ANO1: variants seen among roughly 807,000 people sequenced by gnomAD.
ANO1 encodes anoctamin-1.
Under a neutral mutation model 124.0 loss-of-function variants are expected in ANO1, and 59 were observed. The ratio of observed to expected loss-of-function variants is 0.48; its 90% CI spans 0.39 to 0.59. ANO1 has a LOEUF of 0.59. Among genes scored for constraint, ANO1 ranks in the 20% least tolerant of loss-of-function variants. The pLI, the probability that ANO1 is intolerant of heterozygous loss-of-function variation, is 0.00. For missense variants in ANO1, 1,059 were observed against 1,328.0 expected (o/e 0.80, Z 3.15); for synonymous variants, 529 against 532.0 (o/e 0.99, Z 0.08).
chr11:69,975,373 C>A, the ANO1 span, among the ~76,000 whole-genome samples: 1 of 152,238 alleles, frequency 6.6e-6, no homozygotes, highest in Non-Finnish European at 1.5e-5. Flanking sequence ...ACTACGCCCT[C>A]CCTGTGAGTC....
chr11:70,165,348 C>T (rs2048212692), intron 19 of ANO1, 122 bp from the exon 20 acceptor site: 3 of 785,274 alleles, frequency 3.8e-6, no homozygotes, highest in Admixed American at 4.8e-5. Flanking sequence ...GGGATTAGAA[C>T]CTGAGCGTCT....
chr11:70,050,485 G>A (rs1370422677), intron 1 of ANO1, among the ~76,000 whole-genome samples: 1 of 152,114 alleles, frequency 6.6e-6, no homozygotes, highest in African/African-American at 2.4e-5. Flanking sequence ...CCTCCTCCCT[G>A]TAGGCTTTTC....
intron 1 of ANO1, among the ~76,000 whole-genome samples, chr11:70,002,953 A>G (rs1438264633): frequency 6.6e-6 from 1 of 152,194 alleles, no homozygotes; most frequent in Non-Finnish European, 1.5e-5. Context: ...GGACACTTAC[A>G]TTATCTTCAG....
upstream of ANO1, among the ~76,000 whole-genome samples, chr11:70,074,179 C>T (rs367928486): frequency 3.5e-4 from 54 of 152,240 alleles, no homozygotes; most frequent in East Asian, 5.0e-3. Flanking sequence ...TGGCCATTGG[C>T]GCTCACAATG....
intron 4 of ANO1, among the ~76,000 whole-genome samples, chr11:70,105,455 G>A (rs1310050760): frequency 5.3e-5 from 8 of 151,760 alleles, no homozygotes; most frequent in African/African-American, 7.3e-5. Flanking sequence ...CTTCTGGGGG[G>A]CTGTGGGGGG....
At chr11:70,102,665 A>T (rs2045323397) in intron 2 of ANO1, among the ~76,000 whole-genome samples, 1 of 152,142 alleles carries the variant, frequency 6.6e-6, no homozygotes, top group African/African-American at 2.4e-5. Context: ...CAGGTCCCTG[A>T]GTGATTCCAG....
rs181804203 is a variant in ANO1, at chr11:70,030,534, G to T, written c.58+44368G>T. Among the ~76,000 whole-genome samples the T allele has an allele frequency of 2.6e-5, 4 of 152,180 alleles. No individual in the cohort carries two copies. The East Asian group carries it at 7.7e-4, about 29-fold the overall frequency. Reference sequence around the variant, plus strand: ...ATCCGCAGGACTGGTCCCTTCACAGGCTCCGTCCCTGCCGCTTCCAGATTC... The same window carrying T: ...ATCCGCAGGACTGGTCCCTTCACAGTCTCCGTCCCTGCCGCTTCCAGATTC... On this transcript the variant is annotated intron_variant, in intron 1 of 27. Coordinates refer to the ANO1 transcript ENST00000531349.
chr11:70,108,013 C>T (rs1292600592), intron 5 of ANO1, among the ~76,000 whole-genome samples: 5 of 152,364 alleles, frequency 3.3e-5, no homozygotes, highest in African/African-American at 7.2e-5. Context: ...AGGCAGGGTA[C>T]GTGGCACAGC....
At chr11:70,015,406 G>C (rs1856686407) in intron 1 of ANO1, among the ~76,000 whole-genome samples, 1 of 152,144 alleles carries the variant, frequency 6.6e-6, no homozygotes, top group Non-Finnish European at 1.5e-5. Flanking sequence ...AAGGCACCGG[G>C]ATATGGCCCA....
intron 1 of ANO1, chr11:70,085,408 C>G (rs1266434808): frequency 6.6e-7 from 1 of 1,512,266 alleles, no homozygotes; most frequent in Non-Finnish European, 8.8e-7. Flanking sequence ...GCAAGGTGGG[C>G]GGGGCACGCA....
intron 1 of ANO1, among the ~76,000 whole-genome samples, chr11:70,013,750 C>T (rs1275619398): frequency 1.4e-5 from 2 of 146,226 alleles, no homozygotes; most frequent in Non-Finnish European, 3.0e-5. Context: ...TGCCATGAAC[C>T]GAGATCGCGC....
chr11:70,139,767 C>T (rs2047082304), intron 11 of ANO1, among the ~76,000 whole-genome samples: 1 of 152,214 alleles, frequency 6.6e-6, no homozygotes, highest in African/African-American at 2.4e-5. Context: ...GGCATATACC[C>T]AGTAATGGCA....
At chr11:70,100,373 T>C (rs1172399863) in intron 2 of ANO1, among the ~76,000 whole-genome samples, 1 of 152,122 alleles carries the variant, frequency 6.6e-6, no homozygotes, top group African/African-American at 2.4e-5. Context: ...AGGTGGGCCA[T>C]AAATCCAATA....
chr11:70,031,171 A>G (rs1355392136), intron 1 of ANO1, among the ~76,000 whole-genome samples: 1 of 152,086 alleles, frequency 6.6e-6, no homozygotes, highest in Non-Finnish European at 1.5e-5. Flanking sequence ...TGTCGAATTC[A>G]TGGTCTTGAG....
chr11:70,003,724 T>A (rs1385134213), intron 1 of ANO1, among the ~76,000 whole-genome samples: 1 of 152,062 alleles, frequency 6.6e-6, no homozygotes, highest in African/African-American at 2.4e-5. Flanking sequence ...ATAAAACAGA[T>A]GTTTACCACT....
At chr11:69,967,197 CGTT>C in the ANO1 span, among the ~76,000 whole-genome samples, 37 of 148,822 alleles carry the variant, frequency 2.5e-4, no homozygotes, top group Non-Finnish European at 4.8e-4. Context: ...CCGTATCGCA[CGTT>C]AGCTAGCATC....
At chr11:70,048,364 T>A (rs1565168441) in intron 1 of ANO1, among the ~76,000 whole-genome samples, 2 of 152,362 alleles carry the variant, frequency 1.3e-5, no homozygotes, top group African/African-American at 4.8e-5. Context: ...ACATAGATTT[T>A]TTTTTTAACA....
At chr11:70,104,662 G>T (rs1241308582) in intron 4 of ANO1, among the ~76,000 whole-genome samples, 1 of 152,220 alleles carries the variant, frequency 6.6e-6, no homozygotes, top group Non-Finnish European at 1.5e-5. Flanking sequence ...GGGCAGTGGG[G>T]CGTAGCCACC....
At chr11:69,986,164 T>C (rs6592515) in exon 1 of ANO1, 123,407 of 152,348 alleles carry the variant, frequency 0.81, 50,671 homozygotes, top group East Asian at 0.99. Context: ...GTCCCCACAG[T>C]CGGTGAGTAT....
Sources: allele counts gnomAD v4.1 joint callset (sites outside exome capture counted in the v4.1 genomes callset), GRCh38; gene constraint gnomAD v4.1.1; transcripts MANE v1.5; gene names NCBI Gene and HGNC (gene_info 2026-07-23, HGNC 2026-07-21).